The following PCDH11X variants were observed in gnomAD, a reference collection of about 807,000 sequenced individuals.
The protein encoded by PCDH11X is protocadherin 11 X-linked, also known as protocadherin-11 X-linked.
In PCDH11X, 18 loss-of-function variants were observed where a neutral mutation model predicts 53.3. The ratio of observed to expected loss-of-function variants is 0.34; its 90% CI spans 0.23 to 0.50. The LOEUF is 0.50. Among genes scored for constraint, PCDH11X ranks in the 20% least tolerant of loss-of-function variants. PCDH11X has a pLI of 0.98. For missense variants in PCDH11X, 570 were observed against 1,032.4 expected (o/e 0.55, Z 6.14); for synonymous variants, 279 against 393.3 (o/e 0.71, Z 3.44).
intron 6 of PCDH11X, among the ~76,000 whole-genome samples, chrX:92,009,694 T>A (rs1450322117): frequency 1.0e-5 from 1 of 96,081 alleles, no homozygotes; most frequent in Non-Finnish European, 2.0e-5. Flanking sequence ...AAACAGTGAC[T>A]GTTGCCTTTT....
At chrX:92,207,349 C>T (rs764741812) in intron 7 of PCDH11X, among the ~76,000 whole-genome samples, 6 of 111,479 alleles carry the variant, frequency 5.4e-5, no homozygotes, top group Admixed American at 2.9e-4. Flanking sequence ...GTTTCCCCTT[C>T]CACAGTAAAT....
At chrX:92,141,146 C>A (rs915140300) in intron 6 of PCDH11X, among the ~76,000 whole-genome samples, 1 of 111,331 alleles carries the variant, frequency 9.0e-6, no homozygotes, top group African/African-American at 3.3e-5. Flanking sequence ...TAGTCCATTT[C>A]TCTTAACATT....
intron 10 of PCDH11X, among the ~76,000 whole-genome samples, chrX:92,602,229 G>A (rs1442208394): frequency 9.0e-6 from 1 of 111,256 alleles, no homozygotes; most frequent in Non-Finnish European, 1.9e-5. Flanking sequence ...TCAAGCTAAG[G>A]GAGTTGTCAA....
At chrX:92,078,183 A>G (rs907868879) in intron 6 of PCDH11X, among the ~76,000 whole-genome samples, 6 of 108,811 alleles carry the variant, frequency 5.5e-5, no homozygotes, top group African/African-American at 1.7e-4. Flanking sequence ...TTCTTTTAAG[A>G]TGAAGATACT....
intron 8 of PCDH11X, among the ~76,000 whole-genome samples, chrX:92,378,556 G>T (rs1382657464): frequency 9.0e-6 from 1 of 110,518 alleles, no homozygotes; most frequent in East Asian, 2.8e-4. Flanking sequence ...ATCTGCTCAG[G>T]CTGCTAGAAC....
intron 10 of PCDH11X, among the ~76,000 whole-genome samples, chrX:92,478,807 TTA>T (rs899749994): frequency 9.1e-6 from 1 of 110,393 alleles, no homozygotes; most frequent in African/African-American, 3.3e-5. Flanking sequence ...GTGGTCAATT[TTA>T]GAGTATGTGC....
Position 92,620,688 on chromosome X carries a change from A to G in PCDH11X, c.*1748A>G, listed in dbSNP as rs1474051915. 1 of 111,202 alleles carries G rather than the reference A, an allele frequency of 9.0e-6. No homozygotes were observed. The highest frequency in any genetic ancestry group is 9.6e-5 in the Admixed American group (1 of 10,373). 9.2% of individuals were successfully genotyped at this position (111,202 alleles called of 1,213,427 possible). A position where few individuals can be genotyped will look rare whatever the true frequency, so the allele number is the denominator to read the frequency against. ...CAGCAGGTTAAGTAGCGTTTTCAGAATATACATTATTCCCATCCATTGTAA... is the reference window on the plus strand; with the variant it reads ...CAGCAGGTTAAGTAGCGTTTTCAGAGTATACATTATTCCCATCCATTGTAA... On this transcript the variant is annotated 3_prime_UTR_variant, in exon 11 of 11. Transcript: ENST00000682573.
At chrX:92,581,557 C>CTG (rs1301434159) in intron 10 of PCDH11X, among the ~76,000 whole-genome samples, 2 of 111,964 alleles carry the variant, frequency 1.8e-5, no homozygotes, top group Non-Finnish European at 3.8e-5. Flanking sequence ...GCCACGTGAA[C>CTG]TGTGAGTCCA....
intron 8 of PCDH11X, among the ~76,000 whole-genome samples, chrX:92,360,873 A>G (rs2070330038): frequency 9.2e-6 from 1 of 108,736 alleles, no homozygotes; most frequent in Non-Finnish European, 1.9e-5. Context: ...GCTGGAAAAT[A>G]TATTTCTTAA....
At chrX:92,431,895 C>T (rs1441694407) in intron 9 of PCDH11X, among the ~76,000 whole-genome samples, 1 of 109,963 alleles carries the variant, frequency 9.1e-6, no homozygotes, top group Non-Finnish European at 1.9e-5. Context: ...AAAGGAAATA[C>T]TACTTCTAAC....
chrX:92,140,421 G>C (rs2065159713), intron 6 of PCDH11X, among the ~76,000 whole-genome samples: 1 of 110,511 alleles, frequency 9.0e-6, no homozygotes, highest in Non-Finnish European at 1.9e-5. Context: ...TAAATGACTA[G>C]TAGCTATAGA....
At chrX:92,337,430 T>C (rs2069646495) in intron 8 of PCDH11X, among the ~76,000 whole-genome samples, 2 of 109,050 alleles carry the variant, frequency 1.8e-5, no homozygotes, top group Non-Finnish European at 3.8e-5. Context: ...TTGTATCCAT[T>C]AGCATCACAG....
chrX:92,011,663 T>G (rs959599408), intron 6 of PCDH11X, among the ~76,000 whole-genome samples: 20 of 111,329 alleles, frequency 1.8e-4, no homozygotes, highest in Admixed American at 1.7e-3. Flanking sequence ...ATCTTCTTAG[T>G]GGATGTCATT....
In PCDH11X at chrX:91,897,892, C is replaced by T. The variant is rs2525183; in HGVS notation, c.3033+18619C>T. 9.9e-4 allele frequency among the ~76,000 whole-genome samples: 111 copies of T among 111,725 alleles called. 3 individuals carry two copies. In the South Asian group the frequency reaches 0.041, roughly 42 times the overall value. On this transcript the variant is annotated intron_variant, in intron 6 of 10. Transcript: ENST00000682573. ...GGAAGGATTAATTCAAGGAAAATTC[C>T]GTGAGTGTTTGCTAGGTGCCAGGCA...
intron 7 of PCDH11X, among the ~76,000 whole-genome samples, chrX:92,224,562 T>C (rs2066937005): frequency 9.0e-6 from 1 of 111,281 alleles, no homozygotes; most frequent in African/African-American, 3.3e-5. Context: ...TGTGTTCATG[T>C]ATGGCCAAGG....
intron 9 of PCDH11X, among the ~76,000 whole-genome samples, chrX:92,457,659 T>G (rs1008205025): frequency 2.7e-4 from 29 of 108,002 alleles, no homozygotes; most frequent in African/African-American, 9.3e-4. Context: ...ATTTGGAGTT[T>G]TATAAGTTGT....
intron 6 of PCDH11X, among the ~76,000 whole-genome samples, chrX:92,149,900 G>T (rs1168909274): frequency 2.7e-5 from 3 of 111,257 alleles, no homozygotes; most frequent in Non-Finnish European, 3.8e-5. Flanking sequence ...GGATTTCAAG[G>T]TTTATCCATG....
At chrX:92,191,746 A>G (rs2066196860) in intron 6 of PCDH11X, among the ~76,000 whole-genome samples, 1 of 112,291 alleles carries the variant, frequency 8.9e-6, no homozygotes, top group Non-Finnish European at 1.9e-5. Context: ...AGCTTAGTGT[A>G]TCTCCATAGA....
chrX:92,539,587 AT>A (rs1368163816), intron 10 of PCDH11X, among the ~76,000 whole-genome samples: 1 of 111,547 alleles, frequency 9.0e-6, no homozygotes, highest in East Asian at 2.8e-4. Context: ...TTTCTCCAGG[AT>A]TGGTCCCTGA....
Sources: allele counts gnomAD v4.1 joint callset (sites outside exome capture counted in the v4.1 genomes callset), GRCh38; gene constraint gnomAD v4.1.1; transcripts MANE v1.5; gene names NCBI Gene and HGNC (gene_info 2026-07-23, HGNC 2026-07-21).